STIP1: variants seen among roughly 807,000 people sequenced by gnomAD.
STIP1 encodes the protein stress-induced-phosphoprotein 1.
A neutral mutation model predicts 77.4 loss-of-function variants in STIP1; 16 were observed. The observed-to-expected ratio is 0.21, with a 90% CI of 0.14 to 0.31. The LOEUF (loss-of-function observed/expected upper bound fraction) is 0.31. STIP1 is among the 10% of genes least tolerant of loss of function. The pLI, the probability that STIP1 is intolerant of heterozygous loss-of-function variation, is 1.00. For missense variants in STIP1, 524 were observed against 684.8 expected (o/e 0.77, Z 2.62); for synonymous variants, 258 against 246.6 (o/e 1.05, Z -0.44).
chr11:64,185,765 C>T, upstream of STIP1: 2 of 1,528,566 alleles, frequency 1.3e-6, no homozygotes, highest in South Asian at 1.2e-5. Flanking sequence ...CCAATCAGCG[C>T]AAAGAGTTGG....
chr11:64,198,631 G>A (rs1946177543), intron 8 of STIP1, among the ~76,000 whole-genome samples: 2 of 152,134 alleles, frequency 1.3e-5, no homozygotes, highest in African/African-American at 4.8e-5. Context: ...ATAGGCGTAA[G>A]CCACTATGCC....
At chr11:64,193,398 C>T in intron 2 of STIP1, 111 bp downstream of exon 2, 1 of 919,658 alleles carries the variant, frequency 1.1e-6, no homozygotes, top group Non-Finnish European at 1.7e-6. Flanking sequence ...TACCCACCTC[C>T]CTGTTTGAGT....
chr11:64,187,592 G>C (rs1946038906), intron 1 of STIP1, among the ~76,000 whole-genome samples: 1 of 152,190 alleles, frequency 6.6e-6, no homozygotes, highest in Non-Finnish European at 1.5e-5. Flanking sequence ...GAGTGGAAAT[G>C]AAGTTAGTAA....
intron 1 of STIP1, among the ~76,000 whole-genome samples, chr11:64,189,234 G>A (rs531086727): frequency 6.6e-6 from 1 of 152,156 alleles, no homozygotes; most frequent in South Asian, 2.1e-4. Context: ...GGTGGCACGC[G>A]CCTGTAGTCC....
At chr11:64,191,781 AG>A (rs1218617635) in intron 1 of STIP1, among the ~76,000 whole-genome samples, 1 of 150,838 alleles carries the variant, frequency 6.6e-6, no homozygotes, top group Non-Finnish European at 1.5e-5. Flanking sequence ...TTAATGAAAA[AG>A]TAAAATTTAA....
chr11:64,187,690 G>A (rs763097052), intron 1 of STIP1, among the ~76,000 whole-genome samples: 8 of 152,160 alleles, frequency 5.3e-5, no homozygotes, highest in Non-Finnish European at 1.2e-4. Context: ...GGAATAAGAC[G>A]TTGCTCTTTT....
chr11:64,200,246 C>A lies in STIP1; in HGVS notation c.1198C>A (p.Arg400=), dbSNP rs542917020. The A allele has an allele frequency of 6.2e-7, 1 of 1,614,108 alleles. No individual in the cohort carries two copies. The highest frequency in any genetic ancestry group is 2.2e-5 in the East Asian group (1 of 44,888). ...GAAAGATGCCAAATTATACAGCAAT[C>A]GAGCTGCCTGCTACACCAAACTCCT... The part of the protein sequence containing the change: ...NPKDAKLYSN[R]AACYTKLLEF... The change falls in exon 10 of 14, where the codon CGA becomes AGA. Residue 400 remains arginine (R), a synonymous_variant. Coordinates refer to ENST00000305218, the MANE Select transcript of STIP1 (RefSeq NM_006819.3).
chr11:64,204,153 G>A lies in STIP1; in HGVS notation c.*27G>A, dbSNP rs1389520205. 2.5e-6 allele frequency: 4 copies of A among 1,613,124 alleles called. No homozygotes were observed. The Admixed American group carries it at 5.0e-5, about 20-fold the overall frequency. On this transcript the variant is annotated 3_prime_UTR_variant, in exon 14 of 14. Transcript: ENST00000305218. ...GACTTGTTCATCCCCCCTTCCCTTC[G>A]CCCTCATGTGGAAAGAGGAGCTGGG...
At chr11:64,196,005 C>A in intron 5 of STIP1, 192 bp downstream of exon 5, 1 of 723,084 alleles carries the variant, frequency 1.4e-6, no homozygotes, top group Non-Finnish European at 2.3e-6. Flanking sequence ...GCTAGGATTA[C>A]AGTCACGAGC....
chr11:64,199,107 G>A (rs1946184756), intron 8 of STIP1, among the ~76,000 whole-genome samples: 1 of 151,944 alleles, frequency 6.6e-6, no homozygotes, highest in Non-Finnish European at 1.5e-5. Flanking sequence ...GGATGAGGCA[G>A]GAGAATCGCT....
intron 1 of STIP1, among the ~76,000 whole-genome samples, chr11:64,192,841 C>T (rs764346875): frequency 2.6e-5 from 4 of 152,206 alleles, no homozygotes; most frequent in African/African-American, 7.2e-5. Flanking sequence ...AGCCCTCGTT[C>T]GTCACATGGG....
At chr11:64,194,695 G>A (rs978037076) in intron 4 of STIP1, 75 bp downstream of exon 4, 8 of 1,550,950 alleles carry the variant, frequency 5.2e-6, no homozygotes, top group South Asian at 1.2e-5. Context: ...TCACAGCAGA[G>A]GGTTCCCTGG....
In STIP1 at chr11:64,203,738, C is replaced by G. The variant is rs1309925155; in HGVS notation, c.1559+116C>G. The G allele has an allele frequency of 2.2e-6, 3 of 1,376,216 alleles. No homozygotes were observed. In the South Asian group the frequency reaches 3.9e-5, roughly 18 times the overall value. The allele number at this position is 1,376,216 out of a possible 1,614,324, so 85.3% of individuals were successfully genotyped here. A position where few individuals can be genotyped will look rare whatever the true frequency, so the allele number is the denominator to read the frequency against. On this transcript the variant is annotated intron_variant, in intron 13 of 13. Coordinates refer to ENST00000305218, the MANE Select transcript of STIP1 (RefSeq NM_006819.3). Reference sequence around the variant, plus strand: ...TGCGAGGAAGAGGAATTCTGTCATTCTTCCTAAACTTAAGGAGATTGGCAG... The same window carrying G: ...TGCGAGGAAGAGGAATTCTGTCATTGTTCCTAAACTTAAGGAGATTGGCAG...
chr11:64,202,011 G>GT (rs753202987), intron 10 of STIP1, among the ~76,000 whole-genome samples: 1 of 152,210 alleles, frequency 6.6e-6, no homozygotes, highest in Non-Finnish European at 1.5e-5. Flanking sequence ...TTGCTGAACT[G>GT]TTTGCGAAAG....
At chr11:64,203,760 G>A in intron 13 of STIP1, 138 bp downstream of exon 13, 1 of 1,170,716 alleles carries the variant, frequency 8.5e-7, no homozygotes, top group Non-Finnish European at 1.2e-6. Flanking sequence ...AAGGAGATTG[G>A]CAGTGGGTGG....
Position 64,193,172 on chromosome 11 carries a change from C to T in STIP1, c.104C>T (p.Pro35Leu), listed in dbSNP as rs1309804488. 1 of 1,614,148 alleles carries T rather than the reference C, an allele frequency of 6.2e-7. No individual in the cohort carries two copies. Among genetic ancestry groups the T allele is most frequent in the Admixed American group, 1.7e-5 (1 of 60,004 alleles). The change falls in exon 2 of 14, where the codon CCC becomes CTC. Residue 35 changes from proline (P) to leucine (L), a missense_variant. Coordinates refer to ENST00000305218, the MANE Select transcript of STIP1 (RefSeq NM_006819.3). Reference protein sequence around the residue: ...QCYSEAIKLDPHNHVLYSNRS... With the variant: ...QCYSEAIKLDLHNHVLYSNRS... ...TACTCCGAAGCTATTAAGCTGGATC[C>T]CCACAACCACGTGCTGTACAGCAAC...
chr11:64,199,222 TAGCCAGTCGC>T (rs1946186391), intron 8 of STIP1, among the ~76,000 whole-genome samples: 2 of 146,746 alleles, frequency 1.4e-5, no homozygotes. Flanking sequence ...TTGCCAGCAA[TAGCCAGTCGC>T]AGTGGCTCAC....
Position 64,194,533 on chromosome 11 carries a change from G to A in STIP1, c.416G>A (p.Ser139Asn), listed in dbSNP as rs2134792847. 1 of 1,614,170 alleles carries A rather than the reference G, an allele frequency of 6.2e-7. No individual in the cohort carries two copies. The highest frequency in any genetic ancestry group is 1.3e-5 in the African/African-American group (1 of 75,034). ...NMPNLYQKLE[S>N]DPRTRTLLSD... ...CCTAATCTGTATCAGAAGTTGGAGA[G>A]TGATCCCAGGACAAGGACACTACTC... Residue 139 changes from serine to asparagine, a missense_variant, in exon 4 of 14, where the codon AGT (serine) becomes AAT (asparagine). By Grantham distance (46) the Ser-to-Asn change is conservative. Coordinates refer to ENST00000305218, the MANE Select transcript of STIP1 (RefSeq NM_006819.3).
intron 11 of STIP1, 35 bp from the exon 12 acceptor site, chr11:64,203,090 G>T (rs746138704): frequency 6.2e-7 from 1 of 1,612,608 alleles, no homozygotes. Context: ...CTTGGGCGCT[G>T]CGGTTGGATA....
Sources: gnomAD v4.1 joint callset for allele counts (sites outside exome capture counted in the v4.1 genomes callset) on GRCh38, gnomAD v4.1.1 for gene constraint, MANE v1.5 for transcripts, NCBI Gene and HGNC (gene_info 2026-07-23, HGNC 2026-07-21) for gene names.